Variants in MYOZ3 observed in about 807,000 individuals in gnomAD.
The protein encoded by MYOZ3 is myozenin-3.
In MYOZ3, 19 loss-of-function variants were observed where a neutral mutation model predicts 26.5. The ratio of observed to expected loss-of-function variants is 0.72; its 90% CI spans 0.50 to 1.05. MYOZ3 has a LOEUF of 1.05. Among genes scored for constraint, MYOZ3 ranks in the 50% least tolerant of loss-of-function variants. MYOZ3 has a pLI of 0.00. For synonymous variants in MYOZ3, 135 were observed against 138.8 expected, an observed-to-expected ratio of 0.97 and a Z score of 0.19; for missense variants, 322 against 337.1, an observed-to-expected ratio of 0.96 and a Z score of 0.35.
At chr5:150,669,812 A>T (rs1758873765) in intron 2 of MYOZ3, 1 of 151,816 alleles carries the variant, frequency 6.6e-6, no homozygotes, top group Non-Finnish European at 1.5e-5. Context: ...ACGCCCAGCT[A>T]ATTTTTCTAC....
At chr5:150,669,139 A>T (rs553153934) in intron 2 of MYOZ3, 2 of 151,280 alleles carry the variant, frequency 1.3e-5, no homozygotes, top group South Asian at 4.2e-4. Flanking sequence ...ACTTGTAAAG[A>T]TCTTGATAAA....
At chr5:150,663,831 C>CAA (rs879388132) in intron 2 of MYOZ3, among the ~76,000 whole-genome samples, 1 of 136,008 alleles carries the variant, frequency 7.4e-6, no homozygotes. Flanking sequence ...TCCATCTCTA[C>CAA]AAAAAAAAAA....
At chr5:150,672,635 CTG>C in intron 6 of MYOZ3, 133 bp downstream of exon 6, 1 of 1,115,916 alleles carries the variant, frequency 9.0e-7, no homozygotes, top group Non-Finnish European at 1.3e-6. Context: ...TATTCATTGA[CTG>C]AGCTCTGGCT....
rs996637127 is a variant in MYOZ3, at chr5:150,671,513, G to A, written c.217-84G>A. On this transcript the variant is annotated intron_variant, in intron 3 of 6. Coordinates refer to ENST00000517768, the MANE Select transcript of MYOZ3 (RefSeq NM_001122853.3). ...GGCGTTAGGATTCTTGCCTCCCCCC[G>A]ACCTTTTTTTTTGGTGGAGGGAGAA... is the stretch of plus-strand genomic sequence containing the variant. 5 of 1,454,776 alleles carry A rather than the reference G, an allele frequency of 3.4e-6. No individual in the cohort carries two copies. The African/African-American group carries it at 5.6e-5, about 16-fold the overall frequency. 90.1% of individuals were successfully genotyped at this position (1,454,776 alleles called of 1,614,324 possible). A position where few individuals can be genotyped will look rare whatever the true frequency, so the allele number is the denominator to read the frequency against.
chr5:150,676,077 T>C (rs1055396983), intron 6 of MYOZ3, among the ~76,000 whole-genome samples: 2 of 152,218 alleles, frequency 1.3e-5, no homozygotes, highest in African/African-American at 4.8e-5. Context: ...TAATGCTCTC[T>C]TCTCTCTCTA....
intron 3 of MYOZ3, chr5:150,670,908 A>AAAAAAAC (rs1758896259): frequency 4.4e-6 from 1 of 228,616 alleles, no homozygotes; most frequent in African/African-American, 2.4e-5. Context: ...AAAAAAAAAA[A>AAAAAAAC]AGCTAAGACA....
chr5:150,661,724 C>A (rs1758735213), intron 1 of MYOZ3, among the ~76,000 whole-genome samples: 1 of 152,168 alleles, frequency 6.6e-6, no homozygotes, highest in African/African-American at 2.4e-5. Context: ...AAATGAGAGA[C>A]CCTTCCCAGC....
chr5:150,662,053 C>G (rs928766072), intron 1 of MYOZ3, among the ~76,000 whole-genome samples: 1 of 152,212 alleles, frequency 6.6e-6, no homozygotes, highest in African/African-American at 2.4e-5. Flanking sequence ...GCAGTGCCCA[C>G]TGACTCCCAG....
chr5:150,671,896 GC>G lies in MYOZ3; in HGVS notation c.415del (p.Leu139TrpfsTer9). On this transcript the variant is annotated frameshift_variant, in exon 5 of 7. Coordinates refer to ENST00000517768, the MANE Select transcript of MYOZ3 (RefSeq NM_001122853.3). LOFTEE classifies it high-confidence loss of function. ...APAGCVPSPS[A>X]LAPGYAEPLK... ...TGCTGGGTGCGTCCCCAGCCCCAGC[GC>G]CCTGGCGCCAGGTGAGTGGCCTCCT... The G allele has an allele frequency of 6.4e-7, 1 of 1,553,240 alleles. No individual in the cohort carries two copies.
At chr5:150,661,962 A>G (rs1008525651) in intron 1 of MYOZ3, among the ~76,000 whole-genome samples, 1 of 152,204 alleles carries the variant, frequency 6.6e-6, no homozygotes, top group Non-Finnish European at 1.5e-5. Context: ...AGATGGGGGA[A>G]CTGAGGTGCA....
In MYOZ3 at chr5:150,672,476, C is replaced by T; in HGVS notation, c.561C>T (p.Ser187=). The T allele has an allele frequency of 6.3e-7, 1 of 1,582,194 alleles. No individual in the cohort carries two copies. Among genetic ancestry groups the T allele is most frequent in the East Asian group, 2.3e-5 (1 of 44,382 alleles). Residue 187 remains serine (S), a synonymous_variant, in exon 6 of 7, where the codon AGC becomes AGT. Coordinates refer to ENST00000517768, the MANE Select transcript of MYOZ3 (RefSeq NM_001122853.3). ...YQSDGRSHTP[S]PNDYRNFNKT... is the part of the protein sequence containing the mutation. Reference sequence around the variant, plus strand: ...GCGATGGCCGAAGTCACACCCCCAGCCCCAACGACTACCGAAATTTCAACA... The same window carrying T: ...GCGATGGCCGAAGTCACACCCCCAGTCCCAACGACTACCGAAATTTCAACA...
intron 1 of MYOZ3, 22 bp from the exon 2 acceptor site, chr5:150,662,919 T>C (rs1057104618): frequency 1.2e-6 from 2 of 1,607,618 alleles, no homozygotes; most frequent in Non-Finnish European, 1.7e-6. Context: ...CTGGTCCATT[T>C]ATGGGGGTCT....
chr5:150,671,318 C>T (rs1581535108), intron 3 of MYOZ3: 1 of 501,270 alleles, frequency 2.0e-6, no homozygotes, highest in Non-Finnish European at 3.6e-6. Flanking sequence ...AAGAGATCTT[C>T]ATCACCATCA....
At chr5:150,661,887 G>T (rs1440277740) in intron 1 of MYOZ3, among the ~76,000 whole-genome samples, 1 of 152,158 alleles carries the variant, frequency 6.6e-6, no homozygotes, top group Non-Finnish European at 1.5e-5. Flanking sequence ...AGTTTTAGGG[G>T]GTTTGTGAAC....
intron 5 of MYOZ3, 138 bp downstream of exon 5, chr5:150,672,046 C>A: frequency 1.5e-6 from 2 of 1,309,004 alleles, no homozygotes; most frequent in Non-Finnish European, 2.1e-6. Flanking sequence ...GCACTCCCCT[C>A]GCCAGACCAC....
At chr5:150,672,256 G>A (rs1038915124) in intron 5 of MYOZ3, 84 bp from the exon 6 acceptor site, 6 of 1,540,836 alleles carry the variant, frequency 3.9e-6, no homozygotes, top group Non-Finnish European at 5.3e-6. Flanking sequence ...CTCCAACCGC[G>A]TCCGCGGAAT....
chr5:150,675,691 C>T (rs1226505080), intron 6 of MYOZ3, among the ~76,000 whole-genome samples: 1 of 152,032 alleles, frequency 6.6e-6, no homozygotes, highest in African/African-American at 2.4e-5. Context: ...AGCTTTCTAT[C>T]GTGTGAGCAT....
In MYOZ3 at chr5:150,679,004, G is replaced by C. The variant is rs1292813630; in HGVS notation, c.*2129G>C. On this transcript the variant is annotated 3_prime_UTR_variant, in exon 7 of 7. Transcript: ENST00000517768. ...GGGATAGCGATTGCATTTTCCTTTT[G>C]CTCTGGAGTTTCACTCCCCTTCTGG... is the stretch of plus-strand genomic sequence containing the variant. The C allele has an allele frequency of 6.6e-6, 1 of 152,400 alleles. No individual in the cohort carries two copies. The highest frequency in any genetic ancestry group is 1.5e-5 in the Non-Finnish European group (1 of 68,066). 9.4% of individuals were successfully genotyped at this position (152,400 alleles called of 1,614,324 possible).
At chr5:150,672,543 G>T (rs771361063) in intron 6 of MYOZ3, 41 bp downstream of exon 6, 35 of 1,523,488 alleles carry the variant, frequency 2.3e-5, no homozygotes, top group Non-Finnish European at 3.1e-5. Context: ...ACCGGGAGGG[G>T]CGGGAAGCCA....
Sources: gnomAD v4.1 joint callset for allele counts (sites outside exome capture counted in the v4.1 genomes callset) on GRCh38, gnomAD v4.1.1 for gene constraint, MANE v1.5 for transcripts, NCBI Gene and HGNC (gene_info 2026-07-23, HGNC 2026-07-21) for gene names.